BTBD17: variants seen among roughly 807,000 people sequenced by gnomAD.
The protein encoded by BTBD17 is BTB domain containing 17.
A neutral mutation model predicts 36.9 loss-of-function variants in BTBD17; 26 were observed. The observed-to-expected ratio is 0.70, with a 90% CI of 0.52 to 0.98. The LOEUF (loss-of-function observed/expected upper bound fraction) is 0.98. BTBD17 is among the 50% of genes least tolerant of loss of function. The pLI, the probability that BTBD17 is intolerant of heterozygous loss-of-function variation, is 0.00. For missense variants in BTBD17, 630 were observed against 691.3 expected (o/e 0.91, Z 0.99); for synonymous variants, 341 against 338.0 (o/e 1.01, Z -0.10).
chr17:74,362,366 G>T (rs891095821), upstream of BTBD17, among the ~76,000 whole-genome samples: 2 of 152,212 alleles, frequency 1.3e-5, no homozygotes, highest in African/African-American at 4.8e-5. Flanking sequence ...TTTTGGGGTG[G>T]GGCAGCTCCT....
At chr17:74,361,593 G>T in intron 1 of BTBD17, 142 bp downstream of exon 1, 1 of 636,716 alleles carries the variant, frequency 1.6e-6, no homozygotes, top group Non-Finnish European at 2.7e-6. Flanking sequence ...CCTTCAGACA[G>T]ATGAGTCCGT....
chr17:74,358,750 G>A (rs1061972), intron 2 of BTBD17, among the ~76,000 whole-genome samples: 58,178 of 151,808 alleles, frequency 0.38, 12,837 homozygotes, highest in Non-Finnish European at 0.49. Context: ...CACCGCACTT[G>A]CCTCTATAGG....
At chr17:74,360,626 A>G (rs16978011) in intron 1 of BTBD17, among the ~76,000 whole-genome samples, 8,382 of 152,262 alleles carry the variant, frequency 0.055, 763 homozygotes, top group African/African-American at 0.19. Context: ...CTAAAGAATT[A>G]TCCATCTAAC....
At chr17:74,358,599 G>A (rs1474349712) in intron 2 of BTBD17, among the ~76,000 whole-genome samples, 1 of 149,640 alleles carries the variant, frequency 6.7e-6, no homozygotes, top group Non-Finnish European at 1.5e-5. Context: ...TTACAGGTGT[G>A]AGCCCCCATT....
chr17:74,361,735 C>G lies in BTBD17; in HGVS notation c.85G>C (p.Ala29Pro). 6.2e-7 allele frequency: 1 copy of G among 1,613,224 alleles called. No individual in the cohort carries two copies. Among genetic ancestry groups the G allele is most frequent in the Non-Finnish European group, 8.5e-7 (1 of 1,179,620 alleles). ...LTLVGLVTHA[A>P]QRADVGGEAA... ...CGCACCTGGCCCACTGCCCGCTCAC[C>G]TGCATGGGTGACCAGGCCCACCAAG... Residue 29 changes from alanine (A) to proline (P), a missense_variant and splice_region_variant, in exon 1 of 3, where the codon GCA (alanine) becomes CCA (proline). Physicochemically the swap from Ala to Pro is conservative, Grantham distance 27. Coordinates refer to ENST00000375366, the MANE Select transcript of BTBD17 (RefSeq NM_001080466.2).
Position 74,357,724 on chromosome 17 carries a change from A to G in BTBD17, c.370T>C (p.Tyr124His). 14 of 1,537,760 alleles carry G rather than the reference A, an allele frequency of 9.1e-6. No individual in the cohort carries two copies. The highest frequency in any genetic ancestry group is 1.2e-5 in the Non-Finnish European group (14 of 1,143,436). ...AVFDKFIRYL[Y>H]CGELTVLLTQ... ...AGCAGCACGGTCAGCTCCCCGCAGT[A>G]CAGGTACCTGCGGGAGAGACCGAGA... The change falls in exon 3 of 3, where the codon TAC becomes CAC. Residue 124 changes from tyrosine to histidine, a missense_variant. Coordinates refer to ENST00000375366, the MANE Select transcript of BTBD17 (RefSeq NM_001080466.2). This position sits in a 1 kb window ranked among gnomAD's most constrained non-coding sequence, Gnocchi z 8.4.
chr17:74,357,074 C>A lies in BTBD17; in HGVS notation c.1020G>T (p.Gln340His). Residue 340 changes from glutamine to histidine, a missense_variant, in exon 3 of 3, where the codon CAG (glutamine) becomes CAT (histidine). Physicochemically the swap from Gln to His is conservative, Grantham distance 24. Transcript: ENST00000375366. This position sits in a 1 kb window ranked among gnomAD's most constrained non-coding sequence, Gnocchi z 8.4. Reference protein sequence around the residue: ...PARDDRSTSFQTQLGPSGHDA... With the variant: ...PARDDRSTSFHTQLGPSGHDA... ...CGTGGCCACTCGGGCCCAGCTGCGT[C>A]TGGAAGCTGGTGCTGCGGTCGTCGC... is the stretch of plus-strand genomic sequence containing the variant. 6.5e-7 allele frequency: 1 copy of A among 1,534,190 alleles called. No homozygotes were observed. The highest frequency in any genetic ancestry group is 1.2e-5 in the South Asian group (1 of 82,538).
In BTBD17 at chr17:74,356,961, C is replaced by T; in HGVS notation, c.1133G>A (p.Gly378Asp). ...CGGGCGCGCGGCGGGCAGAGCAGTG[C>T]CCGCGGCGTCCGCGTAAACGGGCCG... is the stretch of plus-strand genomic sequence containing the variant. ...SLRPVYADAA[G>D]TALPAARPED... The change falls in exon 3 of 3, where the codon GGC becomes GAC. Residue 378 changes from glycine (G) to aspartate (D), a missense_variant. By Grantham distance (94) the Gly-to-Asp change is moderately conservative. Transcript: ENST00000375366. The surrounding 1 kb of genome is among the most constrained non-coding windows in gnomAD (Gnocchi z 4.3). The T allele has an allele frequency of 6.9e-7, 1 of 1,439,634 alleles. No individual in the cohort carries two copies. Among genetic ancestry groups the T allele is most frequent in the Admixed American group, 2.9e-5 (1 of 34,130 alleles). 89.2% of individuals were successfully genotyped at this position (1,439,634 alleles called of 1,614,324 possible).
Position 74,356,996 on chromosome 17 carries a change from G to T in BTBD17, c.1098C>A (p.Pro366=), listed in dbSNP as rs752966517. 1.3e-6 allele frequency: 2 copies of T among 1,487,248 alleles called. No individual in the cohort carries two copies. Among genetic ancestry groups the T allele is most frequent in the East Asian group, 2.8e-5 (1 of 35,240 alleles). 92.1% of individuals were successfully genotyped at this position (1,487,248 alleles called of 1,614,324 possible). A position where few individuals can be genotyped will look rare whatever the true frequency, so the allele number is the denominator to read the frequency against. ...CCGCGTAAACGGGCCGCAGGCTGAC[G>T]GGCAGCCAGCGCGGCGAGAAGAGCA... The part of the protein sequence containing the change: ...WNVLFSPRWL[P]VSLRPVYADA... The change falls in exon 3 of 3, where the codon CCC becomes CCA. Residue 366 remains proline (P), a synonymous_variant. Transcript: ENST00000375366. This position sits in a 1 kb window ranked among gnomAD's most constrained non-coding sequence, Gnocchi z 4.3.
In BTBD17 at chr17:74,357,612, T is replaced by TGC. The variant is rs1461026673; in HGVS notation, c.480_481dup (p.His161ArgfsTer49). On this transcript the variant is annotated frameshift_variant, in exon 3 of 3. Transcript: ENST00000375366. LOFTEE classifies it high-confidence loss of function. The surrounding 1 kb of genome is among the most constrained non-coding windows in gnomAD (Gnocchi z 8.4). ...CGCCGGGCCCGCGCCTCCCGCCAGG[T>TGC]GCGCGCGCATGTAGTCGGCCACGCC... is the stretch of plus-strand genomic sequence containing the variant. 1.9e-6 allele frequency: 3 copies of TGC among 1,550,054 alleles called. No individual in the cohort carries two copies. The South Asian group carries it at 3.5e-5, about 18-fold the overall frequency.
At chr17:74,360,389 C>A (rs1020968613) in intron 1 of BTBD17, 144 bp from the exon 2 acceptor site, 3 of 794,464 alleles carry the variant, frequency 3.8e-6, no homozygotes, top group Non-Finnish European at 5.9e-6. Context: ...ATGTGCATAC[C>A]TGTTTGTGCC....
chr17:74,363,083 G>A (rs3892641), upstream of BTBD17, among the ~76,000 whole-genome samples: 29,776 of 151,944 alleles, frequency 0.2, 3,737 homozygotes, highest in South Asian at 0.34. Flanking sequence ...TTGGCTAACC[G>A]AAGTGGGTGA....
In BTBD17 at chr17:74,359,974, G is replaced by A. The variant is rs747375077; in HGVS notation, c.357C>T (p.Phe119=). The change falls in exon 2 of 3, where the codon TTC becomes TTT. Residue 119 remains phenylalanine (F), a synonymous_variant. Coordinates refer to ENST00000375366, the MANE Select transcript of BTBD17 (RefSeq NM_001080466.2). Reference sequence around the variant, plus strand: ...CTAGTCTTCCGCGTCCCCACCTGATGAACTTGTCGAAGACAGCGGCGCAGT... The same window carrying A: ...CTAGTCTTCCGCGTCCCCACCTGATAAACTTGTCGAAGACAGCGGCGCAGT... ...PQDCAAVFDK[F]IRYLYCGELT... is the part of the protein sequence containing the mutation. The A allele has an allele frequency of 5.6e-6, 9 of 1,606,924 alleles. No individual in the cohort carries two copies. The Admixed American group carries it at 1.5e-4, about 27-fold the overall frequency.
At chr17:74,359,363 G>C (rs1017496308) in intron 2 of BTBD17, among the ~76,000 whole-genome samples, 1 of 151,952 alleles carries the variant, frequency 6.6e-6, no homozygotes, top group Non-Finnish European at 1.5e-5. Flanking sequence ...TTGTTTGTTT[G>C]TTTGGTTGGT....
intron 1 of BTBD17, 69 bp from the exon 2 acceptor site, chr17:74,360,314 G>C: frequency 7.4e-6 from 11 of 1,489,152 alleles, no homozygotes; most frequent in Non-Finnish European, 1.0e-5. Flanking sequence ...CAGGGGTGGA[G>C]AGGGACCAGC....
At chr17:74,361,085 C>T (rs1459087390) in intron 1 of BTBD17, among the ~76,000 whole-genome samples, 2 of 152,168 alleles carry the variant, frequency 1.3e-5, no homozygotes, top group Non-Finnish European at 1.5e-5. Context: ...GGAGAAAGTG[C>T]GAAGGGCCAG....
At chr17:74,358,444 G>A (rs947431217) in intron 2 of BTBD17, among the ~76,000 whole-genome samples, 4 of 148,532 alleles carry the variant, frequency 2.7e-5, no homozygotes, top group Non-Finnish European at 5.9e-5. Context: ...AGGCTGCAGT[G>A]AGCTATGATC....
intron 1 of BTBD17, among the ~76,000 whole-genome samples, chr17:74,361,243 G>A (rs1367045551): frequency 6.6e-6 from 1 of 152,250 alleles, no homozygotes; most frequent in African/African-American, 2.4e-5. Flanking sequence ...GCCGAGAACA[G>A]CGAGGGGAGC....
At chr17:74,358,547 A>G (rs550779154) in intron 2 of BTBD17, among the ~76,000 whole-genome samples, 3 of 128,594 alleles carry the variant, frequency 2.3e-5, no homozygotes, top group East Asian at 4.9e-4. Flanking sequence ...AAACTCCTGG[A>G]CTTGAGCAGT....
Sources: allele counts gnomAD v4.1 joint callset (sites outside exome capture counted in the v4.1 genomes callset), GRCh38; gene constraint gnomAD v4.1.1; non-coding constraint Gnocchi (gnomAD v3.1); transcripts MANE v1.5; gene names NCBI Gene and HGNC (gene_info 2026-07-23, HGNC 2026-07-21).